The following COA1 variants were observed in gnomAD, a reference collection of about 807,000 sequenced individuals.
COA1 encodes the protein cytochrome c oxidase assembly factor 1 homolog.
In COA1, 13 loss-of-function variants were observed where a neutral mutation model predicts 16.0. That is an observed-to-expected ratio of 0.81 (90% CI 0.53 to 1.29). The LOEUF (loss-of-function observed/expected upper bound fraction) is 1.29, where lower values mean the gene tolerates loss of function less well. Among genes scored for constraint, COA1 ranks in the 50% most tolerant of loss-of-function variants. COA1 has a pLI of 0.00. For missense variants in COA1, 179 were observed against 177.0 expected, an observed-to-expected ratio of 1.01 and a Z score of -0.06; for synonymous variants, 65 against 65.7, an observed-to-expected ratio of 0.99 and a Z score of 0.05.
chr7:43,691,338 AGAGAGGGAGG>A (rs1303840178), intron 1 of COA1, among the ~76,000 whole-genome samples: 41 of 36,462 alleles, frequency 1.1e-3, no homozygotes, highest in Non-Finnish European at 1.6e-3. Context: ...AGAGAAAGAG[AGAGAGGGAGG>A]GAGGGAGGGA....
intron 6 of COA1, among the ~76,000 whole-genome samples, chr7:43,628,207 G>A (rs1583897585): frequency 6.6e-6 from 1 of 152,020 alleles, no homozygotes. Context: ...GGTCAAGCTG[G>A]TCTCGAACTC....
chr7:43,647,273 C>A, intron 3 of COA1: 1 of 527,992 alleles, frequency 1.9e-6, no homozygotes, highest in Non-Finnish European at 3.4e-6. Context: ...TGTGTGTGCA[C>A]TGGACTGAAA....
intron 1 of COA1, among the ~76,000 whole-genome samples, chr7:43,675,464 G>T (rs962185418): frequency 3.4e-5 from 5 of 148,388 alleles, no homozygotes; most frequent in African/African-American, 1.0e-4. Flanking sequence ...GTGGGGGCAG[G>T]GGGGAGGGAT....
chr7:43,648,739 C>T, intron 1 of COA1, 87 bp from the exon 2 acceptor site: 3 of 925,444 alleles, frequency 3.2e-6, no homozygotes, highest in Non-Finnish European at 5.0e-6. Flanking sequence ...TATTACCAAC[C>T]CAAGCTTTAG....
At chr7:43,728,795 G>GA (rs1221194522) in intron 1 of COA1, among the ~76,000 whole-genome samples, 1 of 152,168 alleles carries the variant, frequency 6.6e-6, no homozygotes, top group East Asian at 1.9e-4. Flanking sequence ...GAATGGGGAG[G>GA]AATCAGGGGA....
At chr7:43,727,974 TTTC>T (rs1258602229) in intron 1 of COA1, among the ~76,000 whole-genome samples, 3 of 136,740 alleles carry the variant, frequency 2.2e-5, no homozygotes, top group South Asian at 2.3e-4. Context: ...TTAGGTTTTC[TTTC>T]TTTTTTTTTT....
chr7:43,654,305 A>G (rs1584483186), intron 1 of COA1, among the ~76,000 whole-genome samples: 1 of 152,310 alleles, frequency 6.6e-6, no homozygotes, highest in East Asian at 1.9e-4. Flanking sequence ...ATCCTAAGTA[A>G]ACCCAGCAGT....
At chr7:43,672,123 T>C (rs2093299110) in intron 1 of COA1, among the ~76,000 whole-genome samples, 1 of 152,056 alleles carries the variant, frequency 6.6e-6, no homozygotes, top group Non-Finnish European at 1.5e-5. Context: ...GGAACAATAC[T>C]ACCGAAATTG....
intron 1 of COA1, among the ~76,000 whole-genome samples, chr7:43,683,901 G>C (rs1301391368): frequency 1.3e-5 from 2 of 152,122 alleles, no homozygotes; most frequent in Non-Finnish European, 2.9e-5. Flanking sequence ...GAATTCTGTG[G>C]GTCAGTAATT....
chr7:43,620,865 G>C (rs139704576), intron 6 of COA1, among the ~76,000 whole-genome samples: 339 of 152,314 alleles, frequency 2.2e-3, no homozygotes, highest in African/African-American at 7.3e-3. Flanking sequence ...CCTGGGAGAA[G>C]AGGAGGGCGG....
intron 1 of COA1, among the ~76,000 whole-genome samples, chr7:43,663,939 C>A (rs1418713126): frequency 6.6e-6 from 1 of 152,014 alleles, no homozygotes; most frequent in Non-Finnish European, 1.5e-5. Flanking sequence ...GGTGAAACCC[C>A]ATCTCTACTA....
chr7:43,651,843 A>T (rs1161716916), intron 1 of COA1, among the ~76,000 whole-genome samples: 4 of 152,170 alleles, frequency 2.6e-5, no homozygotes, highest in Non-Finnish European at 1.5e-5. Context: ...CAAAAAATAC[A>T]AAAATCAGTC....
rs147477357 is a variant in COA1, at chr7:43,723,703, G to C, written c.-39+5726C>G. Among the ~76,000 whole-genome samples the C allele has an allele frequency of 4.4e-3, 677 of 152,246 alleles. 1 individual carries two copies. The highest frequency in any genetic ancestry group is 6.4e-3 in the Non-Finnish European group (435 of 68,006). ...GCACTTTGGGAGGCTGAGGTGGGCG[G>C]ATCGCTTGAGCTCAGGAGTTTGAGC... On this transcript the variant is annotated intron_variant, in intron 1 of 5. Coordinates refer to ENST00000223336, the MANE Select transcript of COA1 (RefSeq NM_018224.4).
rs184102241 is a variant in COA1, at chr7:43,691,385, A to G, written c.-39+38044T>C. Among the ~76,000 whole-genome samples the G allele has an allele frequency of 2.3e-3, 221 of 95,916 alleles. 6 individuals carry two copies. Among genetic ancestry groups the G allele is most frequent in the Admixed American group, 3.9e-3 (35 of 8,986 alleles). 62.9% of individuals were successfully genotyped at this position (95,916 alleles called of 152,430 possible). A position where few individuals can be genotyped will look rare whatever the true frequency, so the allele number is the denominator to read the frequency against. On this transcript the variant is annotated intron_variant, in intron 1 of 5. Coordinates refer to ENST00000223336, the MANE Select transcript of COA1 (RefSeq NM_018224.4). ...GGAGGGAGGGAGGGAGGGAGGAAGG[A>G]AGGAAGGAAGGAAGGAAGGAAGGAA...
chr7:43,648,762 A>G (rs1401779530), intron 1 of COA1, 110 bp from the exon 2 acceptor site: 9 of 756,370 alleles, frequency 1.2e-5, no homozygotes, highest in Non-Finnish European at 1.9e-5. Flanking sequence ...CACGAACAAG[A>G]AGTTAAAATT....
chr7:43,620,261 ATTAC>A (rs1481343810), intron 6 of COA1, among the ~76,000 whole-genome samples: 1 of 152,236 alleles, frequency 6.6e-6, no homozygotes, highest in Non-Finnish European at 1.5e-5. Flanking sequence ...GAAGTCAACT[ATTAC>A]TTTCTTTGAT....
chr7:43,668,207 G>A lies in COA1; in HGVS notation c.-38-19555C>T, dbSNP rs183818221. ...GAGATCTTAACCTGTCGTCAGTAAA[G>A]AATGTCACTTTCTAACAGGTCCAGC... On this transcript the variant is annotated intron_variant, in intron 1 of 5. Transcript: ENST00000223336. Among the ~76,000 whole-genome samples the A allele has an allele frequency of 2.5e-3, 387 of 152,276 alleles. 6 individuals are homozygous for A. The South Asian group carries it at 0.037, about 15-fold the overall frequency.
chr7:43,623,627 G>A (rs200475612), intron 6 of COA1: 870 of 1,609,518 alleles, frequency 5.4e-4, no homozygotes, highest in Non-Finnish European at 6.3e-4. Flanking sequence ...TGTGGTAAGA[G>A]TTATTAATGA....
chr7:43,722,653 T>A (rs2095533384), intron 1 of COA1, among the ~76,000 whole-genome samples: 2 of 152,098 alleles, frequency 1.3e-5, no homozygotes, highest in African/African-American at 4.8e-5. Context: ...TCCGACTGCC[T>A]TGGCCTCCCA....
Sources: allele counts gnomAD v4.1 joint callset (sites outside exome capture counted in the v4.1 genomes callset), GRCh38; gene constraint gnomAD v4.1.1; transcripts MANE v1.5; gene names NCBI Gene and HGNC (gene_info 2026-07-23, HGNC 2026-07-21).